CRTC1: variants seen among roughly 807,000 people sequenced by gnomAD.
The protein encoded by CRTC1 is CREB-regulated transcription coactivator 1.
Under a neutral mutation model 66.1 loss-of-function variants are expected in CRTC1, and 18 were observed. The ratio of observed to expected loss-of-function variants is 0.27; its 90% confidence interval spans 0.19 to 0.40. CRTC1 has a LOEUF of 0.40. Among genes scored for constraint, CRTC1 ranks in the 10% least tolerant of loss-of-function variants. The probability of loss-of-function intolerance (pLI) is 1.00; values close to 1 mark genes in which losing one functional copy is unlikely to be tolerated. For missense variants in CRTC1, 669 were observed against 887.9 expected (o/e 0.75, Z 3.13); for synonymous variants, 416 against 398.8 (o/e 1.04, Z -0.51).
Position 18,751,623 on chromosome 19 carries a change from T to C in CRTC1, c.538+1748T>C, listed in dbSNP as rs74667107. 3.7e-4 allele frequency among the ~76,000 whole-genome samples: 57 copies of C among 152,296 alleles called. No individual in the cohort carries two copies. The East Asian group carries it at 5.4e-3, about 14-fold the overall frequency. On this transcript the variant is annotated intron_variant, in intron 5 of 13. Transcript: ENST00000321949. ...GGCCCGGCTGGTTCCAGAGCCTCAATTGATGCCCATCCATCCCGTCGCTCA... is the reference window on the plus strand; with the variant it reads ...GGCCCGGCTGGTTCCAGAGCCTCAACTGATGCCCATCCATCCCGTCGCTCA...
At chr19:18,735,491 C>G (rs1456809699) in intron 1 of CRTC1, 1 of 152,272 alleles carries the variant, frequency 6.6e-6, no homozygotes, top group Non-Finnish European at 1.5e-5. Context: ...GCCGAGGTCT[C>G]AACTGCAGGG....
At chr19:18,740,167 C>T (rs533341457) in intron 1 of CRTC1, among the ~76,000 whole-genome samples, 2 of 152,000 alleles carry the variant, frequency 1.3e-5, no homozygotes, top group Admixed American at 6.6e-5. Flanking sequence ...GTGAGAGAAT[C>T]GCTTGAACCC....
rs1048351248 is a variant in CRTC1 at position 18,780,328 on chromosome 19, G to A, written c.*2946G>A. On this transcript the variant is annotated 3_prime_UTR_variant, in exon 14 of 14. Coordinates refer to ENST00000321949, the MANE Select transcript of CRTC1 (RefSeq NM_015321.3). ...GGGCTCTCCCTCCTGAGAGCATGGC[G>A]TCCCCACCTTCCTGTTTCGCCGACG... 10 of 231,712 alleles carry A rather than the reference G, an allele frequency of 4.3e-5. No homozygotes were observed. The highest frequency in any genetic ancestry group is 2.3e-4 in the Admixed American group (4 of 17,730). The allele number at this position is 231,712 out of a possible 1,614,324, so 14.4% of individuals were successfully genotyped here. A position where few individuals can be genotyped will look rare whatever the true frequency, so the allele number is the denominator to read the frequency against.
At chr19:18,747,233 G>T (rs2054266081) in intron 4 of CRTC1, 119 bp downstream of exon 4, 3 of 695,476 alleles carry the variant, frequency 4.3e-6, no homozygotes, top group Admixed American at 5.9e-5. Context: ...AAACTAAGAT[G>T]CATCCAGAAG....
chr19:18,720,868 C>CTCTG (rs10665250), intron 1 of CRTC1, among the ~76,000 whole-genome samples: 122,981 of 151,836 alleles, frequency 0.81, 50,638 homozygotes, highest in East Asian at 1. Flanking sequence ...ATGGGGCCCT[C>CTCTG]TCTGCCCGAG....
At chr19:18,727,511 G>A (rs1468457066) in intron 1 of CRTC1, among the ~76,000 whole-genome samples, 1 of 135,794 alleles carries the variant, frequency 7.4e-6, no homozygotes, top group Non-Finnish European at 1.5e-5. Flanking sequence ...AACCTGGGAG[G>A]TGGAGGTTGC....
At chr19:18,701,318 A>G (rs1171360924) in intron 1 of CRTC1, among the ~76,000 whole-genome samples, 1 of 152,212 alleles carries the variant, frequency 6.6e-6, no homozygotes, top group African/African-American at 2.4e-5. Context: ...GGGGGTGCTC[A>G]CAGAGCCCCC....
intron 1 of CRTC1, among the ~76,000 whole-genome samples, chr19:18,723,833 T>TG (rs2145640154): frequency 6.6e-6 from 1 of 152,314 alleles, no homozygotes; most frequent in African/African-American, 2.4e-5. Context: ...CGACCCACCT[T>TG]GCTGCCTGTG....
At chr19:18,693,453 G>T (rs2052899357) in intron 1 of CRTC1, among the ~76,000 whole-genome samples, 1 of 149,328 alleles carries the variant, frequency 6.7e-6, no homozygotes, top group African/African-American at 2.5e-5. Context: ...ATCAAGACAG[G>T]TTTTACCAAG....
At chr19:18,725,822 C>A (rs1273721623) in intron 1 of CRTC1, among the ~76,000 whole-genome samples, 1 of 152,208 alleles carries the variant, frequency 6.6e-6, no homozygotes, top group Non-Finnish European at 1.5e-5. Flanking sequence ...GGGTCCGCCT[C>A]GGCCCTCCCG....
chr19:18,756,334 CA>C (rs56092227), intron 6 of CRTC1, among the ~76,000 whole-genome samples: 5 of 73,174 alleles, frequency 6.8e-5, no homozygotes, highest in African/African-American at 6.2e-5. Context: ...AACTCCATCT[CA>C]AAAAAAAAAA....
chr19:18,706,646 T>G (rs965913016), intron 1 of CRTC1, among the ~76,000 whole-genome samples: 1 of 152,114 alleles, frequency 6.6e-6, no homozygotes, highest in African/African-American at 2.4e-5. Context: ...CTATTTGAGG[T>G]TTTTTGAGAT....
rs150075160 is a variant in CRTC1 at position 18,707,795 on chromosome 19, G to C, written c.126+23967G>C. On this transcript the variant is annotated intron_variant, in intron 1 of 13. Coordinates refer to ENST00000321949, the MANE Select transcript of CRTC1 (RefSeq NM_015321.3). ...GGATCACTTGAGCCCAGGAGTTCAA[G>C]ACCAGGCAGAGCAACGTAGTCAGAT... is the stretch of plus-strand genomic sequence containing the variant. 7.6e-4 allele frequency among the ~76,000 whole-genome samples: 116 copies of C among 152,330 alleles called. No individual in the cohort carries two copies. The East Asian group carries it at 0.018, about 24-fold the overall frequency.
rs1264057336 is a variant in CRTC1 at position 18,780,928 on chromosome 19, C to T, written c.*3546C>T. On this transcript the variant is annotated 3_prime_UTR_variant, in exon 14 of 14. Transcript: ENST00000321949. The stretch of plus-strand genomic sequence containing the variant: ...GCTGGTTTTTAACCAAACATCCTTC[C>T]AAACTCGGGCTGCGACCTGCTTCCT... 1 of 222,226 alleles carries T rather than the reference C, an allele frequency of 4.5e-6. No individual in the cohort carries two copies. The highest frequency in any genetic ancestry group is 9.0e-6 in the Non-Finnish European group (1 of 111,224). 13.8% of individuals were successfully genotyped at this position (222,226 alleles called of 1,614,324 possible).
chr19:18,777,546 AG>A lies in CRTC1; in HGVS notation c.*165del. ...GCCCCCGGTTGTCCACCTCCCGCGA[AG>A]CCCAATCGCGAGGCCGCGAGCCGGG... On this transcript the variant is annotated 3_prime_UTR_variant, in exon 14 of 14. Transcript: ENST00000321949. The surrounding 1 kb of genome is among the most constrained non-coding windows in gnomAD (Gnocchi z 5.5). The A allele has an allele frequency of 1.5e-6, 1 of 655,504 alleles. No homozygotes were observed. The highest frequency in any genetic ancestry group is 2.6e-6 in the Non-Finnish European group (1 of 390,836). 40.6% of individuals were successfully genotyped at this position (655,504 alleles called of 1,614,324 possible). A position where few individuals can be genotyped will look rare whatever the true frequency, so the allele number is the denominator to read the frequency against.
Position 18,779,530 on chromosome 19 carries a change from TA to T in CRTC1, c.*2157del, listed in dbSNP as rs111481472. ...TACCATTAGACTTGTATGTAGGACT[TA>T]AAAAAAAATGGCCTTAATAAAATTA... On this transcript the variant is annotated 3_prime_UTR_variant, in exon 14 of 14. Coordinates refer to ENST00000321949, the MANE Select transcript of CRTC1 (RefSeq NM_015321.3). 0.044 allele frequency: 9,433 copies of T among 212,668 alleles called. 843 individuals carry two copies. The highest frequency in any genetic ancestry group is 0.19 in the African/African-American group (8,481 of 43,658). 13.2% of individuals were successfully genotyped at this position (212,668 alleles called of 1,614,324 possible). A position where few individuals can be genotyped will look rare whatever the true frequency, so the allele number is the denominator to read the frequency against.
chr19:18,759,955 C>T (rs571878095), intron 7 of CRTC1, 53 bp from the exon 8 acceptor site: 36 of 1,410,136 alleles, frequency 2.6e-5, no homozygotes, highest in East Asian at 1.8e-4. Flanking sequence ...CTGTCCCCGC[C>T]GCCAGCCCCG....
chr19:18,702,616 C>A (rs1340938709), intron 1 of CRTC1, among the ~76,000 whole-genome samples: 3 of 151,444 alleles, frequency 2.0e-5, no homozygotes, highest in Non-Finnish European at 2.9e-5. Context: ...TCACCGCAAC[C>A]TCCACCTCCC....
At position 18,760,625 on chromosome 19, in the gene CRTC1, G is replaced by T. The variant is rs558107314; in HGVS notation, c.886+397G>T. Among the ~76,000 whole-genome samples the T allele has an allele frequency of 2.6e-5, 4 of 151,870 alleles. No individual in the cohort carries two copies. In the East Asian group the frequency reaches 7.8e-4, roughly 29 times the overall value. On this transcript the variant is annotated intron_variant, in intron 8 of 13. Transcript: ENST00000321949. This position sits in a 1 kb window ranked among gnomAD's most constrained non-coding sequence, Gnocchi z 6.2. ...CTTCCTCCACCCGACATCTGACAGT[G>T]ACCACCTACTTGTCACATCCCAGCA...
Sources: gnomAD v4.1 joint callset for allele counts (sites outside exome capture counted in the v4.1 genomes callset) on GRCh38, gnomAD v4.1.1 for gene constraint, Gnocchi (gnomAD v3.1) non-coding constraint, MANE v1.5 for transcripts, NCBI Gene and HGNC (gene_info 2026-07-23, HGNC 2026-07-21) for gene names.